Variants in LIPA observed in about 807,000 individuals in gnomAD.
LIPA encodes the protein lysosomal acid lipase/cholesteryl ester hydrolase.
In LIPA, 26 loss-of-function variants were observed where a neutral mutation model predicts 40.6. The ratio of observed to expected loss-of-function variants is 0.64; its 90% CI spans 0.47 to 0.89. The LOEUF (loss-of-function observed/expected upper bound fraction) is 0.89. LIPA is among the 40% of genes least tolerant of loss of function. The probability of loss-of-function intolerance (pLI) is 0.00; values close to 1 mark genes in which losing one functional copy is unlikely to be tolerated. For synonymous variants in LIPA, 188 were observed against 168.4 expected (o/e 1.12, Z -0.90); for missense variants, 455 against 479.6 (o/e 0.95, Z 0.48).
intron 3 of LIPA, among the ~76,000 whole-genome samples, chr10:89,236,468 C>T (rs112640090): frequency 3.3e-5 from 5 of 152,130 alleles, no homozygotes; most frequent in Non-Finnish European, 7.4e-5. Flanking sequence ...ATGTTTAGCA[C>T]GATATCATAA....
chr10:89,305,846 G>C, intron 1 of LIPA: 2 of 722,464 alleles, frequency 2.8e-6, no homozygotes, highest in Admixed American at 4.8e-5. Flanking sequence ...AAGAAGGGGA[G>C]TTTCTTTGAT....
intron 1 of LIPA, among the ~76,000 whole-genome samples, chr10:89,295,373 A>G (rs79448144): frequency 6.6e-6 from 1 of 152,220 alleles, no homozygotes; most frequent in African/African-American, 2.4e-5. Context: ...CAAATTTTTT[A>G]AAAAATCTCA....
At chr10:89,338,838 A>G (rs1843793053) in intron 1 of LIPA, 4 of 1,614,038 alleles carry the variant, frequency 2.5e-6, no homozygotes, top group East Asian at 2.2e-5. Context: ...CCTACATAAA[A>G]CACCTAGATG....
At chr10:89,353,001 A>G (rs1843968210) in intron 2 of LIPA, among the ~76,000 whole-genome samples, 1 of 152,136 alleles carries the variant, frequency 6.6e-6, no homozygotes, top group South Asian at 2.1e-4. Flanking sequence ...CCTCTGCCCT[A>G]TCGTTCATGT....
intron 1 of LIPA, among the ~76,000 whole-genome samples, chr10:89,277,507 C>A (rs1843294815): frequency 6.6e-6 from 1 of 152,146 alleles, no homozygotes; most frequent in Non-Finnish European, 1.5e-5. Context: ...CAGTGTCTGA[C>A]ACATGGTTGA....
At chr10:89,262,945 T>C (rs933994859) in intron 1 of LIPA, among the ~76,000 whole-genome samples, 2 of 152,238 alleles carry the variant, frequency 1.3e-5, no homozygotes, top group Non-Finnish European at 2.9e-5. Context: ...ACATGTGCAG[T>C]TGTTGGAGTT....
At chr10:89,311,856 G>T (rs961256859) in intron 1 of LIPA, among the ~76,000 whole-genome samples, 1 of 152,054 alleles carries the variant, frequency 6.6e-6, no homozygotes, top group Non-Finnish European at 1.5e-5. Flanking sequence ...AATCTGATGA[G>T]TGCATGCATA....
At chr10:89,290,000 G>GC (rs1843363875) in intron 1 of LIPA, among the ~76,000 whole-genome samples, 1 of 145,486 alleles carries the variant, frequency 6.9e-6, no homozygotes, top group South Asian at 2.2e-4. Context: ...AAAAAAAAGG[G>GC]TGGGGGGGAC....
At chr10:89,352,369 C>T (rs1843963752) in intron 2 of LIPA, among the ~76,000 whole-genome samples, 1 of 152,174 alleles carries the variant, frequency 6.6e-6, no homozygotes, top group Non-Finnish European at 1.5e-5. Context: ...ACGCTAACAC[C>T]ACCATTTTTT....
intron 1 of LIPA, among the ~76,000 whole-genome samples, chr10:89,327,180 T>C (rs558983141): frequency 6.6e-6 from 1 of 152,278 alleles, no homozygotes; most frequent in East Asian, 1.9e-4. Context: ...AGACCAAGGT[T>C]TTATTATGCA....
chr10:89,247,112 T>C (rs1404828344), intron 2 of LIPA, among the ~76,000 whole-genome samples: 1 of 152,118 alleles, frequency 6.6e-6, no homozygotes, highest in African/African-American at 2.4e-5. Context: ...GGCTCACGCC[T>C]GTAATCCCAG....
chr10:89,383,724 G>C lies in LIPA; in HGVS notation c.61+29067C>G, dbSNP rs1186436053. ...CAAATCCTTCCCGCTATAGAATGGA[G>C]TGTCCAGAGGTGGACTGTGAGGAAG... On this transcript the variant is annotated intron_variant, in intron 2 of 8. Transcript: ENST00000371837. The C allele has an allele frequency of 5.0e-6, 8 of 1,614,120 alleles. No homozygotes were observed. The Admixed American group carries it at 1.3e-4, about 27-fold the overall frequency.
At chr10:89,383,974 G>A (rs376214034) in intron 2 of LIPA, 1 of 1,614,200 alleles carries the variant, frequency 6.2e-7, no homozygotes, top group Non-Finnish European at 8.5e-7. Flanking sequence ...ATATATTAGG[G>A]TTCTCCTTGC....
intron 7 of LIPA, 70 bp from the exon 8 acceptor site, chr10:89,222,652 T>G: frequency 2.9e-6 from 3 of 1,044,760 alleles, no homozygotes; most frequent in Non-Finnish European, 4.5e-6. Context: ...AAACATTGTA[T>G]TTTGCCCTTC....
In LIPA at chr10:89,320,716, A is replaced by G. The variant is rs565572599; in HGVS notation, c.-2+21895T>C. ...TTTCTTCACAGAATTGGAAAAAACTACTTTAAAGTTCATATGGAACCAAAA... is the reference window on the plus strand; with the variant it reads ...TTTCTTCACAGAATTGGAAAAAACTGCTTTAAAGTTCATATGGAACCAAAA... On this transcript the variant is annotated intron_variant, in intron 1 of 5. Coordinates refer to the LIPA transcript ENST00000282673. 5.9e-5 allele frequency among the ~76,000 whole-genome samples: 9 copies of G among 152,320 alleles called. No individual in the cohort carries two copies. The East Asian group carries it at 1.7e-3, about 29-fold the overall frequency.
At chr10:89,361,874 CCTTTTTTTTT>C (rs1844024426) in intron 2 of LIPA, among the ~76,000 whole-genome samples, 1 of 114,394 alleles carries the variant, frequency 8.7e-6, no homozygotes, top group Non-Finnish European at 1.8e-5. Context: ...CCTCCACCTG[CCTTTTTTTTT>C]TTTTTTTTTT....
In LIPA at chr10:89,215,984, G is replaced by C; in HGVS notation, c.920C>G (p.Ala307Gly). Residue 307 changes from alanine to glycine, a missense_variant, in exon 9 of 10, where the codon GCC (alanine) becomes GGC (glycine). By Grantham distance (60) the Ala-to-Gly change is moderately conservative (BLOSUM62 0). Transcript: ENST00000336233. ...SQAVKFQKFQ[A>G]FDWGSSAKNY... Reference sequence around the variant, plus strand: ...CTTGGCACTGCTTCCCCAGTCAAAGGCTTGAAACTTTTGGAATTTAACAGC... The same window carrying C: ...CTTGGCACTGCTTCCCCAGTCAAAGCCTTGAAACTTTTGGAATTTAACAGC... 6.2e-7 allele frequency: 1 copy of C among 1,611,886 alleles called. No individual in the cohort carries two copies. Among genetic ancestry groups the C allele is most frequent in the Non-Finnish European group, 8.5e-7 (1 of 1,177,980 alleles).
At chr10:89,380,553 C>G (rs1290637408) in intron 2 of LIPA, among the ~76,000 whole-genome samples, 1 of 151,948 alleles carries the variant, frequency 6.6e-6, no homozygotes, top group Non-Finnish European at 1.5e-5. Context: ...CCTCCCACGT[C>G]AGCCCAAGTC....
At chr10:89,383,199 C>G (rs553915577) in intron 2 of LIPA, 1 of 855,626 alleles carries the variant, frequency 1.2e-6, no homozygotes, top group Non-Finnish European at 1.8e-6. Context: ...CAGAGGGGCA[C>G]CAGATAATGG....
Sources: allele counts gnomAD v4.1 joint callset (sites outside exome capture counted in the v4.1 genomes callset), GRCh38; gene constraint gnomAD v4.1.1; transcripts MANE v1.5; gene names NCBI Gene and HGNC (gene_info 2026-07-23, HGNC 2026-07-21).